Variants in RHOF observed in about 807,000 individuals in gnomAD.
RHOF encodes the protein rho-related GTP-binding protein RhoF.
A neutral mutation model predicts 22.2 loss-of-function variants in RHOF; 21 were observed. The observed-to-expected ratio is 0.95, with a 90% CI of 0.67 to 1.36. The LOEUF is 1.36. Among genes scored for constraint, RHOF ranks in the 40% most tolerant of loss-of-function variants. The pLI is 0.00. For synonymous variants in RHOF, 135 were observed against 131.2 expected, an observed-to-expected ratio of 1.03 and a Z score of -0.20; for missense variants, 285 against 293.7, an observed-to-expected ratio of 0.97 and a Z score of 0.22.
rs1268824607 is a variant in RHOF, at chr12:121,778,266, C to T, written c.*1232G>A. On this transcript the variant is annotated 3_prime_UTR_variant, in exon 5 of 5. Transcript: ENST00000267205. Reference sequence around the variant, plus strand: ...AGGAGTTCAAGACCAGCCTGGCCAACATGGTGAAACCCTGTCTCTACTAAA... The same window carrying T: ...AGGAGTTCAAGACCAGCCTGGCCAATATGGTGAAACCCTGTCTCTACTAAA... 3 of 152,100 alleles carry T rather than the reference C, an allele frequency of 2.0e-5. No individual in the cohort carries two copies. The highest frequency in any genetic ancestry group is 2.0e-4 in the Admixed American group (3 of 15,264). The allele number at this position is 152,100 out of a possible 1,614,324, so 9.4% of individuals were successfully genotyped here. A position where few individuals can be genotyped will look rare whatever the true frequency, so the allele number is the denominator to read the frequency against.
At chr12:121,793,064 G>A in intron 2 of RHOF, 88 bp downstream of exon 2, 2 of 1,146,268 alleles carry the variant, frequency 1.7e-6, no homozygotes, top group Non-Finnish European at 2.5e-6. Flanking sequence ...AAGGCTGCAG[G>A]GCGGGGACAC....
Position 121,779,470 on chromosome 12 carries a change from T to G in RHOF, c.*28A>C, listed in dbSNP as rs887751544. 11 of 1,605,866 alleles carry G rather than the reference T, an allele frequency of 6.8e-6. No individual in the cohort carries two copies. Among genetic ancestry groups the G allele is most frequent in the South Asian group, 1.1e-5 (1 of 91,032 alleles). ...CACCTGGGCCCCCGGGCCCTGTCAG[T>G]GCTGTCGTGAGGTCTGTCTGCCCTG... On this transcript the variant is annotated 3_prime_UTR_variant, in exon 5 of 5. Transcript: ENST00000267205.
At chr12:121,780,577 A>G in intron 4 of RHOF, 1 of 513,996 alleles carries the variant, frequency 1.9e-6, no homozygotes, top group Non-Finnish European at 3.4e-6. Context: ...TCCTGGCTCC[A>G]CTTCTCGCTA....
At chr12:121,789,915 G>T (rs1273808056) in intron 2 of RHOF, among the ~76,000 whole-genome samples, 1 of 152,170 alleles carries the variant, frequency 6.6e-6, no homozygotes, top group East Asian at 1.9e-4. Context: ...TGGCCCTGAT[G>T]AGCTCACTCT....
Position 121,779,559 on chromosome 12 carries a change from G to A in RHOF, c.575C>T (p.Ala192Val), listed in dbSNP as rs1269681432. The change falls in exon 5 of 5, where the codon GCT (alanine) becomes GTT (valine). Residue 192 changes from alanine (A) to valine (V), a missense_variant. Physicochemically the swap from Ala to Val is moderately conservative, Grantham distance 64. Transcript: ENST00000267205. Reference sequence around the variant, plus strand: ...TTGCGCCTTCTTCAGAGCGCTGAGAGCCACCTTGGCGGCCTCCCGGAAGAC... The same window carrying A: ...TTGCGCCTTCTTCAGAGCGCTGAGAACCACCTTGGCGGCCTCCCGGAAGAC... Reference protein sequence around the residue: ...EDVFREAAKVALSALKKAQRQ... With the variant: ...EDVFREAAKVVLSALKKAQRQ... 1 of 1,614,000 alleles carries A rather than the reference G, an allele frequency of 6.2e-7. No homozygotes were observed. The highest frequency in any genetic ancestry group is 8.5e-7 in the Non-Finnish European group (1 of 1,180,052).
chr12:121,779,543 C>G lies in RHOF; in HGVS notation c.591G>C (p.Lys197Asn). Residue 197 changes from lysine (K) to asparagine (N), a missense_variant, in exon 5 of 5, where the codon AAG (lysine) becomes AAC (asparagine). Transcript: ENST00000267205. ...EAAKVALSAL[K>N]KAQRQKKRRL... ...GGCGCTTCTTCTGCCGTTGCGCCTT[C>G]TTCAGAGCGCTGAGAGCCACCTTGG... is the stretch of plus-strand genomic sequence containing the variant. The G allele has an allele frequency of 6.2e-7, 1 of 1,613,258 alleles. No homozygotes were observed. Among genetic ancestry groups the G allele is most frequent in the Non-Finnish European group, 8.5e-7 (1 of 1,179,404 alleles).
chr12:121,779,824 G>A, intron 4 of RHOF, 162 bp from the exon 5 acceptor site: 1 of 722,198 alleles, frequency 1.4e-6, no homozygotes, highest in South Asian at 1.8e-5. Context: ...GTGTGTGGGT[G>A]GAATGGAGGG....
intron 4 of RHOF, chr12:121,780,497 C>T (rs1016948116): frequency 3.5e-5 from 13 of 372,518 alleles, no homozygotes; most frequent in Non-Finnish European, 5.8e-5. Context: ...TACTTTCAAA[C>T]AAGGCAGACA....
At chr12:121,791,251 G>A (rs1430043534) in intron 2 of RHOF, among the ~76,000 whole-genome samples, 3 of 152,122 alleles carry the variant, frequency 2.0e-5, no homozygotes, top group South Asian at 2.1e-4. Context: ...TCAGCCTCCC[G>A]AGTAGCTGGG....
At chr12:121,784,866 G>A (rs1014697151) in intron 2 of RHOF, among the ~76,000 whole-genome samples, 17 of 152,194 alleles carry the variant, frequency 1.1e-4, no homozygotes, top group Non-Finnish European at 2.4e-4. Flanking sequence ...GGAGTGAACA[G>A]GTACATTAGT....
chr12:121,778,408 G>A lies in RHOF; in HGVS notation c.*1090C>T, dbSNP rs1874317931. 6.9e-6 allele frequency: 1 copy of A among 145,744 alleles called. No individual in the cohort carries two copies. Among genetic ancestry groups the A allele is most frequent in the Admixed American group, 7.0e-5 (1 of 14,314 alleles). The allele number at this position is 145,744 out of a possible 1,614,324, so 9.0% of individuals were successfully genotyped here. On this transcript the variant is annotated 3_prime_UTR_variant, in exon 5 of 5. Coordinates refer to ENST00000267205, the MANE Select transcript of RHOF (RefSeq NM_019034.3). ...GGAGCTTGCAGTGAGCCAAGATCAT[G>A]CCACTGCACTCTAGCCTGAGTGACA...
At chr12:121,793,284 GGCCAAA>G (rs1436006452) in intron 1 of RHOF, 45 bp from the exon 2 acceptor site, 1 of 1,519,896 alleles carries the variant, frequency 6.6e-7, no homozygotes, top group Non-Finnish European at 8.9e-7. Flanking sequence ...GGCCGGCGGG[GGCCAAA>G]GTTCCAGCTG....
chr12:121,782,678 T>C (rs1310390590), intron 2 of RHOF: 1 of 152,376 alleles, frequency 6.6e-6, no homozygotes, highest in Non-Finnish European at 1.5e-5. Context: ...CTCTCCCCAC[T>C]GGATCCCCCT....
intron 2 of RHOF, among the ~76,000 whole-genome samples, chr12:121,784,911 C>T (rs1874566259): frequency 6.6e-6 from 1 of 152,210 alleles, no homozygotes; most frequent in South Asian, 2.1e-4. Context: ...CCAAGACCCC[C>T]AGTGGATGTT....
Position 121,786,744 on chromosome 12 carries a change from T to C in RHOF, c.227-5552A>G, listed in dbSNP as rs976880411. Among the ~76,000 whole-genome samples the C allele has an allele frequency of 1.3e-4, 19 of 151,844 alleles. 1 individual carries two copies. The highest frequency in any genetic ancestry group is 4.6e-4 in the African/African-American group (19 of 41,192). Reference sequence around the variant, plus strand: ...CTCTCACCCCTACCTGATTTCACAATACTTCTCTGGGGCCGGGCGGGGTGA... The same window carrying C: ...CTCTCACCCCTACCTGATTTCACAACACTTCTCTGGGGCCGGGCGGGGTGA... On this transcript the variant is annotated intron_variant, in intron 2 of 4. Coordinates refer to ENST00000267205, the MANE Select transcript of RHOF (RefSeq NM_019034.3).
chr12:121,785,978 G>C (rs928571830), intron 2 of RHOF, among the ~76,000 whole-genome samples: 6 of 151,846 alleles, frequency 4.0e-5, no homozygotes, highest in East Asian at 1.9e-4. Flanking sequence ...GCAGTGGCGT[G>C]ATCTCGGCTC....
chr12:121,777,790 G>T lies in RHOF; in HGVS notation c.*1708C>A, dbSNP rs1220469352. 1 of 152,222 alleles carries T rather than the reference G, an allele frequency of 6.6e-6. No individual in the cohort carries two copies. The allele number at this position is 152,222 out of a possible 1,614,324, so 9.4% of individuals were successfully genotyped here. ...CAATAAAACTTTATTTACAAATCAG[G>T]CTGTGGCCAGATGTGGCCCACAGGC... On this transcript the variant is annotated 3_prime_UTR_variant, in exon 5 of 5. Transcript: ENST00000267205.
Position 121,793,659 on chromosome 12 carries a change from C to T in RHOF, c.-26G>A, listed in dbSNP as rs1441816146. 2.6e-6 allele frequency: 4 copies of T among 1,511,360 alleles called. No homozygotes were observed. Among genetic ancestry groups the T allele is most frequent in the East Asian group, 2.5e-5 (1 of 39,304 alleles). The allele number at this position is 1,511,360 out of a possible 1,614,324, so 93.6% of individuals were successfully genotyped here. A position where few individuals can be genotyped will look rare whatever the true frequency, so the allele number is the denominator to read the frequency against. On this transcript the variant is annotated 5_prime_UTR_variant, in exon 1 of 5. Transcript: ENST00000267205. ...TGCCCGGAGCCCGCAGCACTGGCGGCGGCGCGCCGGGCACTAGCGGAGCCA... is the reference window on the plus strand; with the variant it reads ...TGCCCGGAGCCCGCAGCACTGGCGGTGGCGCGCCGGGCACTAGCGGAGCCA...
chr12:121,789,468 C>T (rs1473321624), intron 2 of RHOF, among the ~76,000 whole-genome samples: 2 of 152,100 alleles, frequency 1.3e-5, no homozygotes, highest in Admixed American at 1.3e-4. Flanking sequence ...GTCTCTAAGG[C>T]CCAGAGCAGA....
Sources: allele counts gnomAD v4.1 joint callset (sites outside exome capture counted in the v4.1 genomes callset), GRCh38; gene constraint gnomAD v4.1.1; transcripts MANE v1.5; gene names NCBI Gene and HGNC (gene_info 2026-07-23, HGNC 2026-07-21).